The following TOP2B variants were observed in gnomAD, a reference collection of about 807,000 sequenced individuals.
TOP2B encodes the protein DNA topoisomerase 2-beta.
In TOP2B, 51 loss-of-function variants were observed where a neutral mutation model predicts 193.5. The observed-to-expected ratio is 0.26, with a 90% confidence interval of 0.21 to 0.33. TOP2B has a LOEUF of 0.33. Among genes scored for constraint, TOP2B ranks in the 10% least tolerant of loss-of-function variants. TOP2B has a pLI of 1.00. For missense variants in TOP2B, 1,378 were observed against 1,909.3 expected, an observed-to-expected ratio of 0.72 and a Z score of 5.19; for synonymous variants, 634 against 635.7, an observed-to-expected ratio of 1.00 and a Z score of 0.04.
rs562880874 is a variant in TOP2B at position 25,615,966 on chromosome 3, C to G, written c.3352-380G>C. 1.9e-5 allele frequency: 3 copies of G among 154,708 alleles called. No homozygotes were observed. The South Asian group carries it at 6.2e-4, about 32-fold the overall frequency. 9.6% of individuals were successfully genotyped at this position (154,708 alleles called of 1,614,324 possible). A position where few individuals can be genotyped will look rare whatever the true frequency, so the allele number is the denominator to read the frequency against. On this transcript the variant is annotated intron_variant, in intron 25 of 35. Coordinates refer to ENST00000264331, the MANE Select transcript of TOP2B (RefSeq NM_001330700.2). The stretch of plus-strand genomic sequence containing the variant: ...ATTTTTATACTGGTGAGTGAATGAA[C>G]AATCTGAAATACAAAATAAATACCA...
intron 32 of TOP2B, among the ~76,000 whole-genome samples, chr3:25,605,753 TATTTC>T (rs758590185): frequency 3.3e-5 from 5 of 152,070 alleles, no homozygotes; most frequent in Non-Finnish European, 7.4e-5. Context: ...AAAATTTCAT[TATTTC>T]TTTTCTCTCA....
intron 1 of TOP2B, among the ~76,000 whole-genome samples, chr3:25,661,998 A>G (rs1703928727): frequency 6.6e-6 from 1 of 152,232 alleles, no homozygotes; most frequent in Admixed American, 6.5e-5. Context: ...ACTGCAATAA[A>G]GCCCCAACTC....
At chr3:25,642,185 G>T in intron 4 of TOP2B, 137 bp downstream of exon 4, 1 of 501,114 alleles carries the variant, frequency 2.0e-6, no homozygotes, top group Non-Finnish European at 3.5e-6. Flanking sequence ...CAGAAAAGAG[G>T]CAAAAATAAC....
chr3:25,624,498 A>G, intron 19 of TOP2B, 53 bp from the exon 20 acceptor site: 1 of 1,575,788 alleles, frequency 6.3e-7, no homozygotes, highest in Non-Finnish European at 8.6e-7. Context: ...ATTTTCTATA[A>G]TTACTCCCCA....
chr3:25,627,545 A>ACCGC (rs747239816), intron 15 of TOP2B, among the ~76,000 whole-genome samples: 132 of 152,346 alleles, frequency 8.7e-4, no homozygotes, highest in Admixed American at 1.6e-3. Flanking sequence ...CTCTGATTTA[A>ACCGC]CCATCAGTTA....
chr3:25,629,795 G>A (rs1378967203), intron 13 of TOP2B, among the ~76,000 whole-genome samples: 2 of 151,984 alleles, frequency 1.3e-5, no homozygotes, highest in Non-Finnish European at 2.9e-5. Flanking sequence ...TTGTAGGTAG[G>A]CTGCTATAGT....
At chr3:25,628,373 G>C (rs997795058) in intron 15 of TOP2B, among the ~76,000 whole-genome samples, 8 of 151,800 alleles carry the variant, frequency 5.3e-5, no homozygotes, top group African/African-American at 1.9e-4. Flanking sequence ...TACTTGCGGG[G>C]GCTGAGGCAA....
At chr3:25,632,839 A>C in intron 8 of TOP2B, 45 bp from the exon 9 acceptor site, 5 of 1,481,306 alleles carry the variant, frequency 3.4e-6, no homozygotes, top group Non-Finnish European at 4.7e-6. Flanking sequence ...TGTATTGTTA[A>C]AGTAGCAAAA....
chr3:25,664,781 A>G lies in TOP2B; in HGVS notation c.-484T>C. 1 of 986,132 alleles carries G rather than the reference A, an allele frequency of 1.0e-6. No individual in the cohort carries two copies. The allele number at this position is 986,132 out of a possible 1,614,324, so 61.1% of individuals were successfully genotyped here. On this transcript the variant is annotated 5_prime_UTR_variant, in exon 1 of 36. Transcript: ENST00000264331. ...CGTCCCGGTCGCCGCCGCTGCTTCA[A>G]AGGCAGCCTTAGCCTCGCTGCAGCC...
intron 1 of TOP2B, among the ~76,000 whole-genome samples, chr3:25,648,986 C>T (rs1703498761): frequency 6.6e-6 from 1 of 152,066 alleles, no homozygotes; most frequent in African/African-American, 2.4e-5. Context: ...GATGAACAAA[C>T]AAAAACTCGG....
chr3:25,607,570 A>T (rs555064025), intron 30 of TOP2B, among the ~76,000 whole-genome samples, 195 bp from the exon 31 acceptor site: 1 of 152,206 alleles, frequency 6.6e-6, no homozygotes, highest in Non-Finnish European at 1.5e-5. Flanking sequence ...TCTGTCTTAC[A>T]CTTTCCAGGA....
Position 25,604,861 on chromosome 3 carries a change from T to A in TOP2B, c.4388A>T (p.Lys1463Ile), listed in dbSNP as rs1187202113. The A allele has an allele frequency of 6.2e-7, 1 of 1,611,910 alleles. No homozygotes were observed. The highest frequency in any genetic ancestry group is 8.5e-7 in the Non-Finnish European group (1 of 1,178,966). Residue 1463 changes from lysine to isoleucine, a missense_variant, in exon 33 of 36, where the codon AAA becomes ATA. Lys to Ile is a moderately radical substitution (Grantham distance 102, BLOSUM62 -3). Transcript: ENST00000264331. ...AGAATCTTCTTCATTACTGTCAAATTTAGCTGAATCTAAAAATTGCAAAGC... is the reference window on the plus strand; with the variant it reads ...AGAATCTTCTTCATTACTGTCAAATATAGCTGAATCTAAAAATTGCAAAGC... The part of the protein sequence containing the change: ...YSQKSEDDSA[K>I]FDSNEEDSAS...
chr3:25,635,713 A>T (rs544860343), intron 7 of TOP2B, among the ~76,000 whole-genome samples: 84 of 152,254 alleles, frequency 5.5e-4, no homozygotes, highest in African/African-American at 2.0e-3. Context: ...TGCAGACAGT[A>T]TCAAATAATG....
chr3:25,637,362 A>T (rs1703132992), intron 5 of TOP2B, 50 bp from the exon 6 acceptor site: 1 of 1,400,440 alleles, frequency 7.1e-7, no homozygotes, highest in South Asian at 1.3e-5. Context: ...ATTTTAAAGG[A>T]ACTTCGTTAA....
chr3:25,606,248 TTC>T (rs1702234641), intron 31 of TOP2B, 126 bp from the exon 32 acceptor site: 2 of 489,394 alleles, frequency 4.1e-6, no homozygotes, highest in African/African-American at 2.0e-5. Flanking sequence ...TTTCATTTCT[TTC>T]TCTTTCTCTG....
At chr3:25,628,398 C>A (rs1370106190) in intron 15 of TOP2B, among the ~76,000 whole-genome samples, 2 of 151,768 alleles carry the variant, frequency 1.3e-5, no homozygotes, top group Non-Finnish European at 2.9e-5. Context: ...ATCATTTGAG[C>A]CCGGAAAGTC....
At position 25,631,576 on chromosome 3, in the gene TOP2B, T is replaced by G. The variant is rs1178265505; in HGVS notation, c.1267-637A>C. On this transcript the variant is annotated intron_variant, in intron 10 of 35. Coordinates refer to ENST00000264331, the MANE Select transcript of TOP2B (RefSeq NM_001330700.2). Reference sequence around the variant, plus strand: ...TTTATCATCCTCGGTGATTTGATGTTAGGTGTATAAAACAGTTTTCTGGAA... The same window carrying G: ...TTTATCATCCTCGGTGATTTGATGTGAGGTGTATAAAACAGTTTTCTGGAA... 2.6e-5 allele frequency among the ~76,000 whole-genome samples: 4 copies of G among 152,040 alleles called. No individual in the cohort carries two copies. In the East Asian group the frequency reaches 7.7e-4, roughly 29 times the overall value.
chr3:25,661,084 TC>T (rs1703897160), intron 1 of TOP2B, among the ~76,000 whole-genome samples: 1 of 145,900 alleles, frequency 6.9e-6, no homozygotes, highest in Non-Finnish European at 1.5e-5. Flanking sequence ...CACCGCAACC[TC>T]CGCCTCCAAG....
chr3:25,598,754 C>T (rs1185626449), intron 35 of TOP2B, among the ~76,000 whole-genome samples: 2 of 152,070 alleles, frequency 1.3e-5, no homozygotes, highest in Non-Finnish European at 2.9e-5. Flanking sequence ...ATATATTACC[C>T]AAAAAGTATG....
Sources: gnomAD v4.1 joint callset for allele counts (sites outside exome capture counted in the v4.1 genomes callset) on GRCh38, gnomAD v4.1.1 for gene constraint, MANE v1.5 for transcripts, NCBI Gene and HGNC (gene_info 2026-07-23, HGNC 2026-07-21) for gene names.